Variants in FUT8 observed in about 807,000 individuals in gnomAD.
FUT8 encodes alpha-(1,6)-fucosyltransferase.
In FUT8, 29 loss-of-function variants were observed where a neutral mutation model predicts 71.3. The observed-to-expected ratio is 0.41, with a 90% CI of 0.30 to 0.55. The LOEUF is 0.55. FUT8 is among the 20% of genes least tolerant of loss of function. The probability of loss-of-function intolerance (pLI) is 0.34; values close to 1 mark genes in which losing one functional copy is unlikely to be tolerated. For synonymous variants in FUT8, 254 were observed against 239.3 expected, an observed-to-expected ratio of 1.06 and a Z score of -0.57; for missense variants, 544 against 702.1, an observed-to-expected ratio of 0.77 and a Z score of 2.55.
chr14:65,609,219 C>G (rs1274596842), intron 3 of FUT8, among the ~76,000 whole-genome samples: 2 of 150,900 alleles, frequency 1.3e-5, no homozygotes, highest in African/African-American at 4.9e-5. Flanking sequence ...CACTTGAACC[C>G]GAGAGGTGGA....
chr14:65,447,261 C>T (rs977567962), intron 1 of FUT8, among the ~76,000 whole-genome samples: 14 of 146,674 alleles, frequency 9.5e-5, no homozygotes, highest in Non-Finnish European at 1.6e-4. Flanking sequence ...CACTGCACTA[C>T]AGCCTAGGTG....
chr14:65,522,331 A>C (rs1398187010), intron 2 of FUT8, among the ~76,000 whole-genome samples: 4 of 152,058 alleles, frequency 2.6e-5, no homozygotes, highest in African/African-American at 7.2e-5. Context: ...TTAATCTTCT[A>C]ATTTACCAAC....
At chr14:65,557,218 T>C (rs1485969163) in intron 2 of FUT8, among the ~76,000 whole-genome samples, 1 of 152,136 alleles carries the variant, frequency 6.6e-6, no homozygotes, top group Non-Finnish European at 1.5e-5. Context: ...TAAACAAATA[T>C]TACCCAAAGA....
intron 5 of FUT8, among the ~76,000 whole-genome samples, chr14:65,624,232 C>T (rs961961569): frequency 6.6e-6 from 1 of 151,408 alleles, no homozygotes; most frequent in Admixed American, 6.6e-5. Flanking sequence ...CATGAAGTTA[C>T]AGTAACTTAT....
intron 3 of FUT8, among the ~76,000 whole-genome samples, chr14:65,568,195 T>C (rs1454136721): frequency 6.6e-6 from 1 of 151,792 alleles, no homozygotes; most frequent in Non-Finnish European, 1.5e-5. Flanking sequence ...TGTTCAAATG[T>C]TCTAGCTTAA....
chr14:65,709,703 CT>C (rs1449105496), intron 7 of FUT8, among the ~76,000 whole-genome samples: 1 of 152,052 alleles, frequency 6.6e-6, no homozygotes, highest in African/African-American at 2.4e-5. Context: ...CTTTTTTGCT[CT>C]TTCTGTTGAC....
chr14:65,363,309 A>G, the FUT8 span, among the ~76,000 whole-genome samples: 1 of 48,002 alleles, frequency 2.1e-5, no homozygotes, highest in Non-Finnish European at 9.0e-5. Flanking sequence ...TTTAGTAGAG[A>G]TGGGGTTTCA....
intron 7 of FUT8, among the ~76,000 whole-genome samples, chr14:65,691,095 G>A (rs1183721332): frequency 6.6e-6 from 1 of 151,082 alleles, no homozygotes; most frequent in African/African-American, 2.5e-5. Flanking sequence ...TTCCAGCAGG[G>A]GTTTTTTGCT....
intron 5 of FUT8, among the ~76,000 whole-genome samples, chr14:65,619,785 A>C (rs554498410): frequency 8.5e-5 from 13 of 152,348 alleles, no homozygotes; most frequent in Middle Eastern, 6.8e-3. Flanking sequence ...GCATATGACC[A>C]TTCTTCCCAG....
the FUT8 span, among the ~76,000 whole-genome samples, chr14:65,372,158 A>G: frequency 1.7e-4 from 26 of 151,326 alleles, no homozygotes; most frequent in Non-Finnish European, 1.5e-5. Flanking sequence ...TCCCAATGCC[A>G]CCTCCTCCCC....
intron 2 of FUT8, among the ~76,000 whole-genome samples, chr14:65,456,338 G>A (rs1285766409): frequency 6.6e-6 from 1 of 152,106 alleles, no homozygotes; most frequent in African/African-American, 2.4e-5. Context: ...CATCTAAGAT[G>A]TAGTTTTTAA....
At chr14:65,632,999 T>TCCCCC (rs1407705169) in intron 6 of FUT8, among the ~76,000 whole-genome samples, 1 of 100,776 alleles carries the variant, frequency 9.9e-6, no homozygotes, top group Non-Finnish European at 1.9e-5. Context: ...CTCTCCCCTC[T>TCCCCC]CCCCTCCCCC....
intron 3 of FUT8, among the ~76,000 whole-genome samples, chr14:65,590,208 A>G (rs1206508280): frequency 6.6e-6 from 1 of 152,176 alleles, no homozygotes; most frequent in East Asian, 1.9e-4. Context: ...TTTGATGACC[A>G]TGAGTTCATG....
chr14:65,613,046 G>T (rs201699957), intron 3 of FUT8, among the ~76,000 whole-genome samples: 1 of 147,678 alleles, frequency 6.8e-6, no homozygotes, highest in East Asian at 2.0e-4. Flanking sequence ...TTCTTTTCCA[G>T]TTTTTTTTTT....
intron 7 of FUT8, among the ~76,000 whole-genome samples, chr14:65,704,823 T>C (rs2411351): frequency 0.36 from 54,712 of 152,152 alleles, 12,012 homozygotes; most frequent in Non-Finnish European, 0.5. Context: ...CTGCCTGCCT[T>C]ATCCTGAACT....
In FUT8 at chr14:65,438,212, CAT is replaced by C. The variant is rs150525200; in HGVS notation, c.-325-17408_-325-17407del. ...ATTAGAGAAGGAAAGTTTACATTCA[CAT>C]GTTACCTTCATCTGCCTTTCTTGTC... On this transcript the variant is annotated intron_variant, in intron 1 of 10. Coordinates refer to ENST00000673929, the MANE Select transcript of FUT8 (RefSeq NM_001371533.1). 3.2e-3 allele frequency among the ~76,000 whole-genome samples: 491 copies of C among 152,266 alleles called. 13 individuals carry two copies. The East Asian group carries it at 0.055, about 17-fold the overall frequency.
intron 6 of FUT8, among the ~76,000 whole-genome samples, chr14:65,659,730 T>G (rs1830260636): frequency 6.6e-6 from 1 of 152,084 alleles, no homozygotes. Context: ...TTCCCCTCTG[T>G]TCTCCTCCCA....
In FUT8 at chr14:65,472,064, T is replaced by C. The variant is rs1464650171; in HGVS notation, c.-228+16346T>C. 6.6e-6 allele frequency among the ~76,000 whole-genome samples: 1 copy of C among 152,190 alleles called. No individual in the cohort carries two copies. The highest frequency in any genetic ancestry group is 2.4e-5 in the African/African-American group (1 of 41,444). On this transcript the variant is annotated intron_variant, in intron 2 of 10. Transcript: ENST00000673929. The surrounding 1 kb of genome is among the most constrained non-coding windows in gnomAD (Gnocchi z 4.4). ...ATTGACTGCCTTGTCTTGTTTTGTG[T>C]TGCTATGTAGGAATACCTGAGGCTA...
chr14:65,573,541 C>T (rs1256743950), intron 3 of FUT8, among the ~76,000 whole-genome samples: 1 of 151,882 alleles, frequency 6.6e-6, no homozygotes. Flanking sequence ...TAGCGAAAGG[C>T]ACTGGATAGA....
Sources: allele counts gnomAD v4.1 joint callset (sites outside exome capture counted in the v4.1 genomes callset), GRCh38; gene constraint gnomAD v4.1.1; non-coding constraint Gnocchi (gnomAD v3.1); transcripts MANE v1.5; gene names NCBI Gene and HGNC (gene_info 2026-07-23, HGNC 2026-07-21).